TXNDC8: variants seen among roughly 807,000 people sequenced by gnomAD.
TXNDC8 encodes the protein thioredoxin domain-containing protein 8.
TXNDC8 carries 15 observed loss-of-function variants against 12.9 expected under a neutral mutation model. The ratio of observed to expected loss-of-function variants is 1.16; its 90% CI spans 0.78 to 1.79. The LOEUF (loss-of-function observed/expected upper bound fraction) is 1.79. Among genes scored for constraint, TXNDC8 ranks in the 40% most tolerant of loss-of-function variants. TXNDC8 has a pLI of 0.00. For missense variants in TXNDC8, 128 were observed against 113.2 expected, an observed-to-expected ratio of 1.13 and a Z score of -0.59; for synonymous variants, 40 against 35.4, an observed-to-expected ratio of 1.13 and a Z score of -0.46.
chr9:110,334,366 T>G (rs1296960947), intron 1 of TXNDC8, 46 bp from the exon 2 acceptor site: 1 of 1,502,010 alleles, frequency 6.7e-7, no homozygotes, highest in Non-Finnish European at 9.2e-7. Context: ...TCACTGAATC[T>G]CATGACATTT....
intron 4 of TXNDC8, 107 bp downstream of exon 5, chr9:110,304,360 G>T: frequency 1.0e-6 from 1 of 995,980 alleles, no homozygotes; most frequent in Non-Finnish European, 1.5e-6. Context: ...CACACCAAAG[G>T]CTTCTGCTTC....
chr9:110,318,753 T>C (rs777031365), intron 3 of TXNDC8, among the ~76,000 whole-genome samples: 3 of 151,990 alleles, frequency 2.0e-5, no homozygotes, highest in Non-Finnish European at 4.4e-5. Context: ...AAAAAAAATT[T>C]TAAGGGGTAG....
downstream of TXNDC8, among the ~76,000 whole-genome samples, chr9:110,302,443 A>G (rs1224089572): frequency 6.6e-6 from 1 of 152,134 alleles, no homozygotes; most frequent in East Asian, 1.9e-4. Flanking sequence ...GCCTACTCCA[A>G]AGAATTCTAA....
intron 2 of TXNDC8, among the ~76,000 whole-genome samples, chr9:110,327,019 TAAC>T (rs977855793): frequency 6.6e-6 from 1 of 151,266 alleles, no homozygotes; most frequent in Non-Finnish European, 1.5e-5. Flanking sequence ...CACACAGTGA[TAAC>T]AACTGATACA....
intron 2 of TXNDC8, among the ~76,000 whole-genome samples, chr9:110,333,744 T>C (rs1587994050): frequency 6.6e-6 from 1 of 152,328 alleles, no homozygotes; most frequent in East Asian, 1.9e-4. Context: ...ATAAAGATAT[T>C]TAACAATTAT....
chr9:110,304,580 G>T, intron 3 of TXNDC8, 48 bp from the exon 5 acceptor site: 1 of 1,549,784 alleles, frequency 6.5e-7, no homozygotes, highest in Non-Finnish European at 8.9e-7. Context: ...TGCCTGGTTT[G>T]TAACCATCTC....
At chr9:110,321,731 A>G (rs202089789) in intron 3 of TXNDC8, among the ~76,000 whole-genome samples, 1 of 139,356 alleles carries the variant, frequency 7.2e-6, no homozygotes, top group African/African-American at 2.7e-5. Flanking sequence ...TATGAAAAAA[A>G]AAAAAAAAGG....
At chr9:110,312,987 C>A (rs1026077915) in intron 3 of TXNDC8, among the ~76,000 whole-genome samples, 2 of 152,166 alleles carry the variant, frequency 1.3e-5, no homozygotes, top group Admixed American at 1.3e-4. Context: ...TTCACTGCAA[C>A]CTCCGCCACC....
At chr9:110,319,631 T>C (rs1839017158) in intron 3 of TXNDC8, among the ~76,000 whole-genome samples, 1 of 152,222 alleles carries the variant, frequency 6.6e-6, no homozygotes, top group South Asian at 2.1e-4. Flanking sequence ...GAAGATGCTC[T>C]TTTGGGAGAT....
chr9:110,326,404 G>T (rs1298708497), intron 2 of TXNDC8, among the ~76,000 whole-genome samples, 164 bp from the exon 4 acceptor site: 1 of 152,198 alleles, frequency 6.6e-6, no homozygotes, highest in African/African-American at 2.4e-5. Context: ...CTTCAGGAAT[G>T]TCACAATGAT....
intron 2 of TXNDC8, among the ~76,000 whole-genome samples, chr9:110,333,354 T>A (rs1331104510): frequency 2.0e-5 from 3 of 152,162 alleles, no homozygotes; most frequent in Non-Finnish European, 2.9e-5. Context: ...CTTATGAGAA[T>A]CTTAATACCT....
intron 3 of TXNDC8, chr9:110,322,873 C>T: frequency 1.0e-6 from 1 of 985,406 alleles, no homozygotes; most frequent in South Asian, 4.7e-5. Flanking sequence ...TTTCTATCCA[C>T]TTGGGATTCT....
At position 110,322,979 on chromosome 9, in the gene TXNDC8, G is replaced by T. The variant is rs575099176; in HGVS notation, c.195+3196C>A. Reference sequence around the variant, plus strand: ...GAAGATCTGAGTTAAACAGAGAAAGGCTTGGAGCAGTAGATTGGGTCAAAA... The same window carrying T: ...GAAGATCTGAGTTAAACAGAGAAAGTCTTGGAGCAGTAGATTGGGTCAAAA... On this transcript the variant is annotated intron_variant, in intron 3 of 4. Coordinates refer to ENST00000423740, the MANE Select transcript of TXNDC8 (RefSeq NM_001286946.2). 9.1e-6 allele frequency: 9 copies of T among 985,378 alleles called. No individual in the cohort carries two copies. The East Asian group carries it at 3.4e-4, about 37-fold the overall frequency. 61.0% of individuals were successfully genotyped at this position (985,378 alleles called of 1,614,324 possible). A position where few individuals can be genotyped will look rare whatever the true frequency, so the allele number is the denominator to read the frequency against.
At chr9:110,331,030 G>A (rs1211208598) in intron 2 of TXNDC8, among the ~76,000 whole-genome samples, 1 of 152,048 alleles carries the variant, frequency 6.6e-6, no homozygotes, top group Admixed American at 6.6e-5. Flanking sequence ...TAATGGTTTT[G>A]CTAACTAACT....
At chr9:110,326,262 A>G (rs769149074) in intron 2 of TXNDC8, 22 bp from the exon 4 acceptor site, 10 of 1,613,600 alleles carry the variant, frequency 6.2e-6, no homozygotes, top group Non-Finnish European at 8.5e-6. Context: ...AAGAAATGGC[A>G]TGAAGTTACA....
intron 3 of TXNDC8, chr9:110,323,764 T>G (rs2118820456): frequency 7.3e-7 from 1 of 1,371,364 alleles, no homozygotes; most frequent in East Asian, 2.6e-5. Context: ...GACTCTGTTT[T>G]CTTCTGTGTG....
intron 3 of TXNDC8, chr9:110,323,362 A>T: frequency 1.0e-6 from 1 of 984,562 alleles, no homozygotes; most frequent in Non-Finnish European, 1.2e-6. Context: ...TCAAAAGAGA[A>T]GAAAATTTCC....
intron 3 of TXNDC8, among the ~76,000 whole-genome samples, chr9:110,316,752 G>A (rs140123789): frequency 8.5e-5 from 13 of 152,300 alleles, no homozygotes; most frequent in East Asian, 3.9e-4. Context: ...TTCTTTGAGC[G>A]TTGGTGGCAT....
At chr9:110,323,786 T>C (rs1455480920) in intron 3 of TXNDC8, 1 of 1,478,210 alleles carries the variant, frequency 6.8e-7, no homozygotes, top group Admixed American at 2.2e-5. Context: ...TAGATTCGTT[T>C]TCAGGTTTTA....
Sources: gnomAD v4.1 joint callset for allele counts (sites outside exome capture counted in the v4.1 genomes callset) on GRCh38, gnomAD v4.1.1 for gene constraint, MANE v1.5 for transcripts, NCBI Gene and HGNC (gene_info 2026-07-23, HGNC 2026-07-21) for gene names.